The following ARIH2 variants were observed in gnomAD, a reference collection of about 807,000 sequenced individuals.
ARIH2 encodes the protein E3 ubiquitin-protein ligase ARIH2.
Under a neutral mutation model 79.8 loss-of-function variants are expected in ARIH2, and 12 were observed. The observed-to-expected ratio is 0.15, with a 90% confidence interval of 0.10 to 0.24. The LOEUF (loss-of-function observed/expected upper bound fraction) is 0.24. Among genes scored for constraint, ARIH2 ranks in the 10% least tolerant of loss-of-function variants. ARIH2 has a pLI of 1.00. For synonymous variants in ARIH2, 224 were observed against 213.9 expected (o/e 1.05, Z -0.41); for missense variants, 301 against 618.3 (o/e 0.49, Z 5.44).
At chr3:48,947,201 G>A (rs1039762228) in intron 3 of ARIH2, among the ~76,000 whole-genome samples, 9 of 152,352 alleles carry the variant, frequency 5.9e-5, no homozygotes, top group Admixed American at 4.6e-4. Context: ...AGCTCTTTGG[G>A]AGGCCGAGGC....
chr3:48,979,956 A>G (rs1198498289), intron 12 of ARIH2: 1 of 235,088 alleles, frequency 4.3e-6, no homozygotes, highest in African/African-American at 2.6e-5. Flanking sequence ...ATTTTTATTT[A>G]TTTTTTTCTT....
intron 3 of ARIH2, among the ~76,000 whole-genome samples, chr3:48,950,858 A>G (rs892853218): frequency 4.6e-5 from 7 of 151,836 alleles, no homozygotes; most frequent in Non-Finnish European, 8.8e-5. Context: ...TAATTTTTCA[A>G]TTTGCTGCTA....
At chr3:48,933,007 T>C (rs758164635) in intron 3 of ARIH2, among the ~76,000 whole-genome samples, 1 of 152,144 alleles carries the variant, frequency 6.6e-6, no homozygotes, top group Non-Finnish European at 1.5e-5. Flanking sequence ...AATATTATGA[T>C]TGTAGCCTCA....
At chr3:48,933,003 ATGAT>A (rs980150568) in intron 3 of ARIH2, among the ~76,000 whole-genome samples, 1 of 152,162 alleles carries the variant, frequency 6.6e-6, no homozygotes, top group Non-Finnish European at 1.5e-5. Flanking sequence ...AAGGAATATT[ATGAT>A]TGTAGCCTCA....
intron 3 of ARIH2, among the ~76,000 whole-genome samples, chr3:48,956,136 T>C (rs1016730626): frequency 2.6e-5 from 4 of 151,874 alleles, no homozygotes; most frequent in South Asian, 4.2e-4. Flanking sequence ...TGTAATTATC[T>C]CCTTTACTTT....
chr3:48,959,712 T>C (rs1345731152), intron 3 of ARIH2, among the ~76,000 whole-genome samples: 3 of 144,924 alleles, frequency 2.1e-5, no homozygotes, highest in Non-Finnish European at 4.5e-5. Flanking sequence ...ACGGGTCAGA[T>C]GCCACTTACC....
chr3:48,931,282 A>T (rs757276665), intron 3 of ARIH2, among the ~76,000 whole-genome samples: 4 of 152,148 alleles, frequency 2.6e-5, no homozygotes, highest in Non-Finnish European at 4.4e-5. Flanking sequence ...GCAGTGGCTC[A>T]CGCCTGTAAT....
chr3:48,932,985 T>C (rs963389996), intron 3 of ARIH2, among the ~76,000 whole-genome samples: 4 of 152,050 alleles, frequency 2.6e-5, no homozygotes, highest in African/African-American at 4.8e-5. Context: ...CAAAGATGTA[T>C]AGGTAGAAAG....
chr3:48,983,139 G>A, intron 15 of ARIH2, 60 bp from the exon 16 acceptor site: 2 of 1,594,512 alleles, frequency 1.3e-6, no homozygotes, highest in Non-Finnish European at 1.7e-6. Context: ...TTGTGGCTTT[G>A]GCTACTCCTT....
At chr3:48,972,086 CCCGGAAGTGGGTCT>C (rs1170955747) in intron 8 of ARIH2, among the ~76,000 whole-genome samples, 1 of 152,160 alleles carries the variant, frequency 6.6e-6, no homozygotes, top group Non-Finnish European at 1.5e-5. Flanking sequence ...CGATGAGACT[CCCGGAAGTGGGTCT>C]CAATCCTGCC....
chr3:48,933,233 CGGGT>C (rs1559731181), intron 3 of ARIH2, among the ~76,000 whole-genome samples: 1 of 130,250 alleles, frequency 7.7e-6, no homozygotes, highest in Non-Finnish European at 1.6e-5. Context: ...ACCACATGCC[CGGGT>C]GTGTGTGTGT....
chr3:48,964,896 C>T, intron 4 of ARIH2, 23 bp from the exon 5 acceptor site: 1 of 1,607,880 alleles, frequency 6.2e-7, no homozygotes, highest in Non-Finnish European at 8.5e-7. Flanking sequence ...TGATTGCCTT[C>T]ATTTCTGCTT....
Position 48,927,574 on chromosome 3 carries a change from A to C in ARIH2, c.16A>C (p.Asn6His). The change falls in exon 3 of 16, where the codon AAT (asparagine) becomes CAT (histidine). Residue 6 changes from asparagine (N) to histidine (H), a missense_variant. Asn to His is a moderately conservative substitution (Grantham distance 68). This residue lies in a region of ARIH2 where 223 missense variants were observed against 349.4 expected (regional missense o/e 0.64). Coordinates refer to ENST00000356401, the MANE Select transcript of ARIH2 (RefSeq NM_006321.4). Reference protein sequence around the residue: MSVDMNSQGSDSNEED... With the variant: MSVDMHSQGSDSNEED... ...GGATGCTAAGATGTCAGTGGACATG[A>C]ATAGCCAGGGGTCTGACAGCAATGA... 6.2e-7 allele frequency: 1 copy of C among 1,613,928 alleles called. No individual in the cohort carries two copies. The highest frequency in any genetic ancestry group is 8.5e-7 in the Non-Finnish European group (1 of 1,179,972).
chr3:48,945,806 A>G (rs1047518847), intron 3 of ARIH2, among the ~76,000 whole-genome samples: 3 of 152,176 alleles, frequency 2.0e-5, no homozygotes, highest in South Asian at 2.1e-4. Flanking sequence ...TGATATCACA[A>G]TCTGCTTACA....
At chr3:48,959,753 G>A (rs1559805696) in intron 3 of ARIH2, among the ~76,000 whole-genome samples, 1 of 151,822 alleles carries the variant, frequency 6.6e-6, no homozygotes, top group Non-Finnish European at 1.5e-5. Flanking sequence ...CCCATCCTGA[G>A]TGAAGTAAGC....
intron 3 of ARIH2, among the ~76,000 whole-genome samples, chr3:48,951,913 TTTAA>T (rs1214704284): frequency 6.6e-6 from 1 of 152,268 alleles, no homozygotes; most frequent in East Asian, 1.9e-4. Flanking sequence ...TCTTTCTCTT[TTTAA>T]TTGTTACTAT....
intron 3 of ARIH2, among the ~76,000 whole-genome samples, chr3:48,933,030 G>A (rs1281485786): frequency 6.6e-6 from 1 of 152,202 alleles, no homozygotes; most frequent in East Asian, 1.9e-4. Flanking sequence ...CATCTTTGCT[G>A]TTGGTGGAAA....
intron 3 of ARIH2, among the ~76,000 whole-genome samples, chr3:48,951,674 T>G (rs1233961709): frequency 6.6e-6 from 1 of 152,206 alleles, no homozygotes; most frequent in Non-Finnish European, 1.5e-5. Flanking sequence ...AAAGAACATG[T>G]TAATTTCATT....
At chr3:48,966,894 G>C (rs2091836307) in intron 5 of ARIH2, among the ~76,000 whole-genome samples, 1 of 152,156 alleles carries the variant, frequency 6.6e-6, no homozygotes, top group Non-Finnish European at 1.5e-5. Context: ...TTCTGCCTCT[G>C]AATCCTGGTG....
Sources: gnomAD v4.1 joint callset for allele counts (sites outside exome capture counted in the v4.1 genomes callset) on GRCh38, gnomAD v4.1.1 for gene constraint, gnomAD v4.1.1 regional missense constraint, MANE v1.5 for transcripts, NCBI Gene and HGNC (gene_info 2026-07-23, HGNC 2026-07-21) for gene names.